FAM184B: variants seen among roughly 807,000 people sequenced by gnomAD.
FAM184B encodes the protein family with sequence similarity 184 member B.
FAM184B carries 111 observed loss-of-function variants against 135.9 expected under a neutral mutation model. The ratio of observed to expected loss-of-function variants is 0.82; its 90% CI spans 0.70 to 0.96. The LOEUF (loss-of-function observed/expected upper bound fraction) is 0.96, where lower values mean the gene tolerates loss of function less well. Ranked by LOEUF, FAM184B falls within the 40% of genes least tolerant of loss-of-function variation. FAM184B has a pLI of 0.00. For synonymous variants in FAM184B, 552 were observed against 524.8 expected (o/e 1.05, Z -0.71); for missense variants, 1,375 against 1,323.9 (o/e 1.04, Z -0.60).
In FAM184B at chr4:17,642,204, C is replaced by G. The variant is rs1239028229; in HGVS notation, c.2371G>C (p.Gly791Arg). The change falls in exon 13 of 18, where the codon GGC becomes CGC. Residue 791 changes from glycine (G) to arginine (R), a missense_variant. Gly to Arg is a moderately radical substitution (Grantham distance 125). Coordinates refer to ENST00000265018, the MANE Select transcript of FAM184B (RefSeq NM_015688.2). The stretch of plus-strand genomic sequence containing the variant: ...TGCCCAGCAGCGCCCGGTGGGGAGC[C>G]GGCCTGGCCCGGGCCGCCCCGCTCC... ...TEERGGPGQA[G>R]SPPGAAGQGS... The G allele has an allele frequency of 7.3e-6, 11 of 1,514,754 alleles. No homozygotes were observed. Among genetic ancestry groups the G allele is most frequent in the Non-Finnish European group, 9.7e-6 (11 of 1,138,858 alleles). The allele number at this position is 1,514,754 out of a possible 1,614,324, so 93.8% of individuals were successfully genotyped here.
At chr4:17,710,540 C>T (rs1206563932) in intron 1 of FAM184B, among the ~76,000 whole-genome samples, 1 of 152,168 alleles carries the variant, frequency 6.6e-6, no homozygotes, top group African/African-American at 2.4e-5. Context: ...ACAGAAGGGA[C>T]TCTTCTCAGC....
chr4:17,724,768 C>T (rs1717605375), intron 1 of FAM184B, among the ~76,000 whole-genome samples: 1 of 152,170 alleles, frequency 6.6e-6, no homozygotes, highest in Admixed American at 6.5e-5. Context: ...GTCACAACAA[C>T]GGTAAGAAGA....
rs1312178059 is a variant in FAM184B, at chr4:17,630,958, T to C, written c.*1574A>G. 4 of 152,250 alleles carry C rather than the reference T, an allele frequency of 2.6e-5. No individual in the cohort carries two copies. The highest frequency in any genetic ancestry group is 1.3e-4 in the Admixed American group (2 of 15,284). The allele number at this position is 152,250 out of a possible 1,614,324, so 9.4% of individuals were successfully genotyped here. ...GATTTGACAATGCATAGAATTAACA[T>C]TGGTTTGTGGGCCACCTTCTGGGCC... is the stretch of plus-strand genomic sequence containing the variant. On this transcript the variant is annotated 3_prime_UTR_variant, in exon 18 of 18. Transcript: ENST00000265018.
intron 8 of FAM184B, among the ~76,000 whole-genome samples, chr4:17,662,236 C>T (rs749797795): frequency 1.3e-5 from 2 of 152,156 alleles, no homozygotes; most frequent in Non-Finnish European, 2.9e-5. Flanking sequence ...GTTTGTTTAT[C>T]CACTTTTCTA....
chr4:17,642,622 G>A (rs1235359246), intron 12 of FAM184B, among the ~76,000 whole-genome samples: 2 of 152,170 alleles, frequency 1.3e-5, no homozygotes, highest in East Asian at 3.9e-4. Context: ...AGGGGGAACT[G>A]ATAAGCTTTC....
chr4:17,744,409 G>C (rs930610229), intron 1 of FAM184B, among the ~76,000 whole-genome samples: 1 of 151,556 alleles, frequency 6.6e-6, no homozygotes, highest in Non-Finnish European at 1.5e-5. Flanking sequence ...GCAGGCCTTG[G>C]GGGCTGGGAC....
chr4:17,633,973 A>G (rs1715046311), intron 16 of FAM184B, 85 bp from the exon 17 acceptor site: 10 of 1,102,638 alleles, frequency 9.1e-6, no homozygotes, highest in Non-Finnish European at 1.2e-5. Context: ...ATGCTCACCC[A>G]ATCAAAATTG....
intron 7 of FAM184B, among the ~76,000 whole-genome samples, chr4:17,677,681 A>T (rs1381320745): frequency 6.6e-6 from 1 of 152,212 alleles, no homozygotes; most frequent in Non-Finnish European, 1.5e-5. Flanking sequence ...TGAAGCCAAT[A>T]TCACCCTAAT....
At chr4:17,744,406 T>C (rs1309670237) in intron 1 of FAM184B, among the ~76,000 whole-genome samples, 1 of 151,110 alleles carries the variant, frequency 6.6e-6, no homozygotes, top group Non-Finnish European at 1.5e-5. Context: ...GAGGCAGGCC[T>C]TGGGGGCTGG....
At chr4:17,738,729 T>G (rs1446960205) in intron 1 of FAM184B, among the ~76,000 whole-genome samples, 1 of 152,088 alleles carries the variant, frequency 6.6e-6, no homozygotes, top group Non-Finnish European at 1.5e-5. Flanking sequence ...TTGACCCCAG[T>G]GTTGGAGGTG....
rs202010283 is a variant in FAM184B, at chr4:17,707,610, C to G, written c.1030+39G>C. ...AGCACCAGACCAACCTGGCAGCTAA[C>G]CTTGGGTCTTTTAAGGAAATCATTC... On this transcript the variant is annotated intron_variant, in intron 3 of 17. Transcript: ENST00000265018. 5 of 1,549,228 alleles carry G rather than the reference C, an allele frequency of 3.2e-6. No homozygotes were observed. In the East Asian group the frequency reaches 1.2e-4, roughly 38 times the overall value.
intron 5 of FAM184B, among the ~76,000 whole-genome samples, chr4:17,695,966 C>T (rs535727019): frequency 4.6e-5 from 7 of 152,284 alleles, no homozygotes; most frequent in African/African-American, 1.7e-4. Context: ...CTCGGACACT[C>T]CAAAATTTCC....
At chr4:17,702,778 T>G (rs1403646349) in intron 5 of FAM184B, among the ~76,000 whole-genome samples, 1 of 152,138 alleles carries the variant, frequency 6.6e-6, no homozygotes, top group Non-Finnish European at 1.5e-5. Flanking sequence ...CAGGGTCAGG[T>G]GTGGCTGACA....
intron 3 of FAM184B, among the ~76,000 whole-genome samples, chr4:17,706,976 C>T (rs1253740232): frequency 6.6e-6 from 1 of 152,100 alleles, no homozygotes; most frequent in Non-Finnish European, 1.5e-5. Flanking sequence ...TTAGTAGAGA[C>T]AGGTTTATAC....
chr4:17,686,653 C>A (rs2108955439), intron 7 of FAM184B, among the ~76,000 whole-genome samples: 1 of 152,322 alleles, frequency 6.6e-6, no homozygotes, highest in South Asian at 2.1e-4. Flanking sequence ...TTGGAAAATT[C>A]CAATGAAGCT....
rs563112987 is a variant in FAM184B, at chr4:17,634,669, T to A, written c.2889+340A>T. Among the ~76,000 whole-genome samples, 10 of 152,324 alleles carry A rather than the reference T, an allele frequency of 6.6e-5. No individual in the cohort carries two copies. In the South Asian group the frequency reaches 2.1e-3, roughly 32 times the overall value. On this transcript the variant is annotated intron_variant, in intron 16 of 17. Coordinates refer to ENST00000265018, the MANE Select transcript of FAM184B (RefSeq NM_015688.2). ...GCCTTTAGGATTTTGTGATAGTAGA[T>A]AATTGAATGTGAATATGCTCATTGT...
At chr4:17,644,987 G>A (rs1027136709) in intron 12 of FAM184B, among the ~76,000 whole-genome samples, 14 of 152,132 alleles carry the variant, frequency 9.2e-5, no homozygotes, top group Non-Finnish European at 1.3e-4. Context: ...ATTCACAATT[G>A]CTTCAAAGAG....
At chr4:17,712,304 G>A (rs772373509) in intron 1 of FAM184B, among the ~76,000 whole-genome samples, 2 of 152,120 alleles carry the variant, frequency 1.3e-5, no homozygotes, top group Non-Finnish European at 2.9e-5. Context: ...GAGATAAGGG[G>A]GTCAAAGACT....
intron 1 of FAM184B, among the ~76,000 whole-genome samples, chr4:17,766,140 C>G (rs571633670): frequency 2.0e-5 from 3 of 152,178 alleles, no homozygotes; most frequent in African/African-American, 7.2e-5. Context: ...GTTGCCATTG[C>G]TGGGTCAGGC....
Sources: allele counts gnomAD v4.1 joint callset (sites outside exome capture counted in the v4.1 genomes callset), GRCh38; gene constraint gnomAD v4.1.1; transcripts MANE v1.5; gene names NCBI Gene and HGNC (gene_info 2026-07-23, HGNC 2026-07-21).